DIAPH2: variants seen among roughly 807,000 people sequenced by gnomAD.
The protein encoded by DIAPH2 is diaphanous related formin 2, also known as protein diaphanous homolog 2.
Under a neutral mutation model 92.7 loss-of-function variants are expected in DIAPH2, and 35 were observed. That is an observed-to-expected ratio of 0.38 (90% CI 0.29 to 0.50). The LOEUF (loss-of-function observed/expected upper bound fraction) is 0.50, where lower values mean the gene tolerates loss of function less well. DIAPH2 is among the 20% of genes least tolerant of loss of function. The probability of loss-of-function intolerance (pLI) is 0.94; values close to 1 mark genes in which losing one functional copy is unlikely to be tolerated. For missense variants in DIAPH2, 701 were observed against 819.5 expected (o/e 0.86, Z 1.77); for synonymous variants, 301 against 280.4 (o/e 1.07, Z -0.73).
intron 26 of DIAPH2, among the ~76,000 whole-genome samples, chrX:97,552,767 G>A (rs900061017): frequency 1.8e-5 from 2 of 111,844 alleles, no homozygotes; most frequent in Admixed American, 9.5e-5. Flanking sequence ...TGTTGACTTA[G>A]TTATTACTAC....
intron 5 of DIAPH2, among the ~76,000 whole-genome samples, chrX:96,897,209 G>A (rs767532161): frequency 1.5e-4 from 17 of 111,002 alleles, no homozygotes; most frequent in Non-Finnish European, 3.0e-4. Context: ...GGGGGTACAG[G>A]TGGCTTTTGG....
In DIAPH2 at chrX:97,410,410, C is replaced by T. The variant is rs753950089; in HGVS notation, c.3146-19240C>T. Among the ~76,000 whole-genome samples the T allele has an allele frequency of 3.6e-5, 4 of 111,781 alleles. No individual in the cohort carries two copies. The South Asian group carries it at 1.5e-3, about 42-fold the overall frequency. ...ACACCAAAACCGAATCTGTAGGTCA[C>T]CAGCGTCAATGACCAAATGTAGAGA... is the stretch of plus-strand genomic sequence containing the variant. On this transcript the variant is annotated intron_variant, in intron 25 of 26. Transcript: ENST00000324765.
chrX:97,173,919 A>G (rs1232063403), intron 22 of DIAPH2, among the ~76,000 whole-genome samples: 1 of 107,904 alleles, frequency 9.3e-6, no homozygotes, highest in Non-Finnish European at 1.9e-5. Flanking sequence ...AAAAAAAAAA[A>G]CAGTGAAAAA....
At chrX:97,503,320 C>A (rs1340002319) in intron 26 of DIAPH2, among the ~76,000 whole-genome samples, 2 of 112,107 alleles carry the variant, frequency 1.8e-5, no homozygotes, top group Non-Finnish European at 1.9e-5. Context: ...TAGATCTGCT[C>A]ACATCCTGAG....
chrX:96,969,090 A>G (rs931747426), intron 17 of DIAPH2, among the ~76,000 whole-genome samples: 2 of 111,804 alleles, frequency 1.8e-5, no homozygotes, highest in Non-Finnish European at 3.8e-5. Flanking sequence ...CTATGTGTCT[A>G]TTTTTGTACC....
intron 4 of DIAPH2, among the ~76,000 whole-genome samples, chrX:96,864,180 G>T (rs892137151): frequency 2.7e-5 from 3 of 111,391 alleles, no homozygotes; most frequent in African/African-American, 9.8e-5. Context: ...TAAAAATGAT[G>T]TCATGAATAA....
chrX:97,328,587 A>AT lies in DIAPH2; in HGVS notation c.2845-19523dup, dbSNP rs1271810470. On this transcript the variant is annotated intron_variant, in intron 23 of 26. Transcript: ENST00000324765. ...TTTCAATCTGATTTAGATAAATGTG[A>AT]TTTTTTAAGCTGAAATTCCTAAATC... Among the ~76,000 whole-genome samples the AT allele has an allele frequency of 3.6e-5, 4 of 111,831 alleles. No individual in the cohort carries two copies. The East Asian group carries it at 8.4e-4, about 23-fold the overall frequency.
intron 26 of DIAPH2, among the ~76,000 whole-genome samples, chrX:97,546,697 G>A (rs1394118990): frequency 9.0e-6 from 1 of 111,223 alleles, no homozygotes; most frequent in Admixed American, 9.6e-5. Context: ...TTAGCTGGGC[G>A]TGGTGGTGCA....
intron 25 of DIAPH2, among the ~76,000 whole-genome samples, chrX:97,423,774 A>G (rs184690092): frequency 1.6e-4 from 18 of 112,032 alleles, no homozygotes; most frequent in African/African-American, 5.8e-4. Context: ...TTCCCTTGAT[A>G]TTCTTTCACT....
intron 1 of DIAPH2, among the ~76,000 whole-genome samples, chrX:96,715,540 T>C (rs2063944730): frequency 8.9e-6 from 1 of 111,983 alleles, no homozygotes; most frequent in South Asian, 3.7e-4. Flanking sequence ...TGCTTTCCCG[T>C]GGCAGTATTG....
At chrX:97,305,220 C>T (rs1313964741) in intron 23 of DIAPH2, among the ~76,000 whole-genome samples, 4 of 111,847 alleles carry the variant, frequency 3.6e-5, no homozygotes, top group Admixed American at 1.9e-4. Flanking sequence ...AGGTTGGGCG[C>T]GGTGGCTCAT....
In DIAPH2 at chrX:96,991,928, A is replaced by G. The variant is rs189168505; in HGVS notation, c.2050+26721A>G. Reference sequence around the variant, plus strand: ...TCATAAGCATTTCTTTAGAAAGAACATATACTCTGAAATATCTAGCATGCA... The same window carrying G: ...TCATAAGCATTTCTTTAGAAAGAACGTATACTCTGAAATATCTAGCATGCA... On this transcript the variant is annotated intron_variant, in intron 17 of 26. Transcript: ENST00000324765. Among the ~76,000 whole-genome samples the G allele has an allele frequency of 2.3e-3, 258 of 111,274 alleles. 1 individual carries two copies. Among genetic ancestry groups the G allele is most frequent in the African/African-American group, 8.1e-3 (249 of 30,635 alleles).
chrX:97,150,848 C>T (rs2067280324), intron 22 of DIAPH2, among the ~76,000 whole-genome samples: 1 of 111,729 alleles, frequency 9.0e-6, no homozygotes, highest in South Asian at 3.7e-4. Context: ...AAATCTATAA[C>T]ACAGTGTCGG....
At chrX:96,926,336 C>G (rs1307390674) in intron 9 of DIAPH2, among the ~76,000 whole-genome samples, 3 of 111,499 alleles carry the variant, frequency 2.7e-5, no homozygotes, top group Admixed American at 9.6e-5. Flanking sequence ...TTTTGTAATG[C>G]TATGTCTTAT....
chrX:97,088,888 C>G (rs930746929), intron 19 of DIAPH2, among the ~76,000 whole-genome samples: 1 of 111,310 alleles, frequency 9.0e-6, no homozygotes, highest in Non-Finnish European at 1.9e-5. Flanking sequence ...TACACAGTTT[C>G]CCGGGTTTCA....
intron 1 of DIAPH2, among the ~76,000 whole-genome samples, chrX:96,721,503 C>G (rs896008069): frequency 8.9e-6 from 1 of 112,189 alleles, no homozygotes; most frequent in Non-Finnish European, 1.9e-5. Context: ...AATTTAACAG[C>G]TTTATACACA....
chrX:97,188,368 G>A, intron 22 of DIAPH2, among the ~76,000 whole-genome samples: 1 of 111,257 alleles, frequency 9.0e-6, no homozygotes, highest in Non-Finnish European at 1.9e-5. Flanking sequence ...AAGAGGTTGA[G>A]GAGACTGGGA....
At chrX:97,111,592 T>G (rs755205021) in intron 20 of DIAPH2, among the ~76,000 whole-genome samples, 1 of 112,270 alleles carries the variant, frequency 8.9e-6, no homozygotes, top group African/African-American at 3.2e-5. Context: ...TTATTCTTCC[T>G]TAATTCTATC....
At chrX:97,506,138 C>CTTTTTTTTTT (rs11385451) in intron 26 of DIAPH2, among the ~76,000 whole-genome samples, 2 of 28,119 alleles carry the variant, frequency 7.1e-5, no homozygotes, top group Non-Finnish European at 5.7e-5. Flanking sequence ...TATCTAGTGC[C>CTTTTTTTTTT]TTTTTTTTTT....
Sources: allele counts gnomAD v4.1 joint callset (sites outside exome capture counted in the v4.1 genomes callset), GRCh38; gene constraint gnomAD v4.1.1; transcripts MANE v1.5; gene names NCBI Gene and HGNC (gene_info 2026-07-23, HGNC 2026-07-21).